The following CFAP54 variants were observed in gnomAD, a reference collection of about 807,000 sequenced individuals.
CFAP54 encodes cilia- and flagella-associated protein 54.
In CFAP54, 290 loss-of-function variants were observed where a neutral mutation model predicts 370.4. The observed-to-expected ratio is 0.78, with a 90% confidence interval of 0.71 to 0.86. The LOEUF (loss-of-function observed/expected upper bound fraction) is 0.86, where lower values mean the gene tolerates loss of function less well. Ranked by LOEUF, CFAP54 falls within the 40% of genes least tolerant of loss-of-function variation. CFAP54 has a pLI of 0.00. For synonymous variants in CFAP54, 1,206 were observed against 1,236.5 expected, an observed-to-expected ratio of 0.98 and a Z score of 0.52; for missense variants, 3,399 against 3,528.7, an observed-to-expected ratio of 0.96 and a Z score of 0.93.
intron 60 of CFAP54, among the ~76,000 whole-genome samples, chr12:96,784,268 A>G (rs1388419499): frequency 1.3e-5 from 2 of 152,134 alleles, no homozygotes; most frequent in Non-Finnish European, 2.9e-5. Flanking sequence ...AATATTTATT[A>G]TTTTCAGATT....
intron 5 of CFAP54, among the ~76,000 whole-genome samples, chr12:96,513,728 G>A (rs548856505): frequency 3.3e-5 from 5 of 152,078 alleles, no homozygotes; most frequent in African/African-American, 1.2e-4. Flanking sequence ...GGGTGACAGA[G>A]CAAGACTGTG....
At chr12:96,670,435 T>G (rs773778705) in intron 39 of CFAP54, among the ~76,000 whole-genome samples, 1 of 152,262 alleles carries the variant, frequency 6.6e-6, no homozygotes, top group Non-Finnish European at 1.5e-5. Flanking sequence ...TAAATCTTGC[T>G]CTAGCTCTTA....
intron 9 of CFAP54, 83 bp from the exon 10 acceptor site, chr12:96,533,709 G>T: frequency 2.0e-6 from 2 of 1,018,544 alleles, no homozygotes; most frequent in Non-Finnish European, 2.7e-6. Context: ...TGTTTTCCTG[G>T]TGCCTGAAAG....
chr12:96,572,901 A>G, intron 19 of CFAP54: 1 of 985,414 alleles, frequency 1.0e-6, no homozygotes, highest in South Asian at 4.7e-5. Flanking sequence ...TTTTTACCTC[A>G]GTTGGATTCA....
intron 65 of CFAP54, among the ~76,000 whole-genome samples, chr12:96,828,055 ATAT>A (rs1408536976): frequency 7.8e-6 from 1 of 128,378 alleles, no homozygotes; most frequent in African/African-American, 3.0e-5. Context: ...ATATATTAAT[ATAT>A]TATTAATATA....
intron 32 of CFAP54, among the ~76,000 whole-genome samples, chr12:96,641,633 G>A (rs1380353902): frequency 6.6e-6 from 1 of 152,130 alleles, no homozygotes; most frequent in Non-Finnish European, 1.5e-5. Context: ...GCACACGTAT[G>A]TTTATTGCGG....
At chr12:96,735,441 G>C (rs1046934828) in intron 50 of CFAP54, among the ~76,000 whole-genome samples, 6 of 152,146 alleles carry the variant, frequency 3.9e-5, no homozygotes, top group African/African-American at 1.4e-4. Flanking sequence ...CTGTGCAGAG[G>C]CTTAAGGAAC....
At chr12:96,514,386 G>C (rs1177291187) in intron 5 of CFAP54, among the ~76,000 whole-genome samples, 1 of 152,232 alleles carries the variant, frequency 6.6e-6, no homozygotes, top group African/African-American at 2.4e-5. Context: ...ATGACAGACA[G>C]TGACTTGAAG....
chr12:96,636,953 G>A (rs1257560093), intron 32 of CFAP54, among the ~76,000 whole-genome samples: 1 of 152,082 alleles, frequency 6.6e-6, no homozygotes, highest in Non-Finnish European at 1.5e-5. Flanking sequence ...AGTGGCTTTT[G>A]TTACAGTCAC....
At chr12:96,802,821 C>A (rs1235689243) in intron 63 of CFAP54, among the ~76,000 whole-genome samples, 1 of 152,008 alleles carries the variant, frequency 6.6e-6, no homozygotes, top group African/African-American at 2.4e-5. Context: ...AATGCTCTCC[C>A]TCCCCCTGCT....
In CFAP54 at chr12:96,534,074, C is replaced by A; in HGVS notation, c.1552C>A (p.Pro518Thr). The part of the protein sequence containing the change: ...LIYFLQRQDD[P>T]ESKKAEKDLT... The stretch of plus-strand genomic sequence containing the variant: ...ATACTTCCCCAAGAGGCAGGATGAT[C>A]CAGAGTCAAAGAAAGCAGAGAAGGA... Residue 518 changes from proline to threonine, a missense_variant, in exon 11 of 68, where the codon CCA becomes ACA. This residue lies in a region of CFAP54 where 44 missense variants were observed against 82.3 expected (regional missense o/e 0.53). Coordinates refer to ENST00000524981, the MANE Select transcript of CFAP54 (RefSeq NM_001306084.2). 1 of 1,523,980 alleles carries A rather than the reference C, an allele frequency of 6.6e-7. No individual in the cohort carries two copies. The highest frequency in any genetic ancestry group is 8.8e-7 in the Non-Finnish European group (1 of 1,141,794). 94.4% of individuals were successfully genotyped at this position (1,523,980 alleles called of 1,614,324 possible).
Position 96,679,098 on chromosome 12 carries a change from A to C in CFAP54, c.5564-502A>C, listed in dbSNP as rs532468272. ...TGGGCACTTTTCAGGACAGTTAGTT[A>C]GTTCTATACCCACTCCTGGGTCCCC... On this transcript the variant is annotated intron_variant, in intron 39 of 67. Coordinates refer to ENST00000524981, the MANE Select transcript of CFAP54 (RefSeq NM_001306084.2). 2.6e-5 allele frequency among the ~76,000 whole-genome samples: 4 copies of C among 152,238 alleles called. No homozygotes were observed. The South Asian group carries it at 6.2e-4, about 24-fold the overall frequency.
intron 60 of CFAP54, among the ~76,000 whole-genome samples, chr12:96,778,653 T>C (rs901155663): frequency 2.6e-5 from 4 of 152,192 alleles, no homozygotes; most frequent in Non-Finnish European, 4.4e-5. Flanking sequence ...AAAATGGAAT[T>C]TGTGTTTTTG....
chr12:96,779,103 A>G (rs989228516), intron 60 of CFAP54, among the ~76,000 whole-genome samples: 19 of 117,778 alleles, frequency 1.6e-4, no homozygotes, highest in African/African-American at 6.0e-4. Context: ...GTGAATCTCC[A>G]TCTCAAAAAA....
intron 1 of CFAP54, among the ~76,000 whole-genome samples, chr12:96,491,233 A>G (rs1439112866): frequency 3.3e-5 from 5 of 152,146 alleles, no homozygotes; most frequent in African/African-American, 1.2e-4. Flanking sequence ...GGAGCAATTG[A>G]TGAGGATTTT....
At chr12:96,840,625 TC>T (rs55652063) in intron 66 of CFAP54, among the ~76,000 whole-genome samples, 6,021 of 79,454 alleles carry the variant, frequency 0.076, 212 homozygotes, top group South Asian at 0.33. Flanking sequence ...TCTGTTTCTT[TC>T]TTTTTTTTTT....
At chr12:96,797,520 A>T (rs996177961) in intron 63 of CFAP54, among the ~76,000 whole-genome samples, 3 of 152,088 alleles carry the variant, frequency 2.0e-5, no homozygotes, top group Admixed American at 2.0e-4. Flanking sequence ...TCTTGGGTGC[A>T]ATCAGATTGA....
chr12:96,567,806 G>C (rs755570304), intron 19 of CFAP54, among the ~76,000 whole-genome samples: 2 of 152,000 alleles, frequency 1.3e-5, no homozygotes, highest in Non-Finnish European at 2.9e-5. Context: ...GGAACATACC[G>C]GGACTGAGAT....
chr12:96,630,265 G>A (rs1462831488), intron 31 of CFAP54, 61 bp downstream of exon 31: 1 of 854,216 alleles, frequency 1.2e-6, no homozygotes, highest in Non-Finnish European at 1.8e-6. Context: ...TGTATCTAGA[G>A]ATGATTGGCT....
Sources: allele counts gnomAD v4.1 joint callset (sites outside exome capture counted in the v4.1 genomes callset), GRCh38; gene constraint gnomAD v4.1.1; regional missense constraint gnomAD v4.1.1; transcripts MANE v1.5; gene names NCBI Gene and HGNC (gene_info 2026-07-23, HGNC 2026-07-21).